PDE6A: variants seen among roughly 807,000 people sequenced by gnomAD.
PDE6A encodes phosphodiesterase 6A.
Under a neutral mutation model 106.3 loss-of-function variants are expected in PDE6A, and 84 were observed. The ratio of observed to expected loss-of-function variants is 0.79; its 90% CI spans 0.66 to 0.95. PDE6A has a LOEUF of 0.95. Among genes scored for constraint, PDE6A ranks in the 40% least tolerant of loss-of-function variants. The pLI, the probability that PDE6A is intolerant of heterozygous loss-of-function variation, is 0.00. For missense variants in PDE6A, 1,052 were observed against 1,084.9 expected, an observed-to-expected ratio of 0.97 and a Z score of 0.43; for synonymous variants, 394 against 386.6, an observed-to-expected ratio of 1.02 and a Z score of -0.23.
At chr5:149,890,108 C>CA (rs1752492088) in intron 13 of PDE6A, among the ~76,000 whole-genome samples, 1 of 151,762 alleles carries the variant, frequency 6.6e-6, no homozygotes, top group African/African-American at 2.4e-5. Context: ...GACACACCAC[C>CA]ACACTAGGCT....
At chr5:149,920,161 C>A (rs1451616496) in intron 5 of PDE6A, among the ~76,000 whole-genome samples, 1 of 151,852 alleles carries the variant, frequency 6.6e-6, no homozygotes, top group Non-Finnish European at 1.5e-5. Flanking sequence ...GACCTCATCT[C>A]TATATAAAAA....
intron 12 of PDE6A, 118 bp from the exon 13 acceptor site, chr5:149,895,408 A>AC: frequency 4.0e-6 from 3 of 742,280 alleles, no homozygotes; most frequent in Non-Finnish European, 7.4e-6. Flanking sequence ...GGTTTGAGGT[A>AC]CTCTAACCCC....
At chr5:149,878,706 T>C (rs542816539) in intron 17 of PDE6A, among the ~76,000 whole-genome samples, 36 of 152,354 alleles carry the variant, frequency 2.4e-4, no homozygotes, top group Admixed American at 5.9e-4. Context: ...TCTTTGACAA[T>C]AGGAGTTAAC....
intron 8 of PDE6A, 136 bp from the exon 9 acceptor site, chr5:149,899,660 G>A: frequency 1.1e-6 from 1 of 878,054 alleles, no homozygotes. Context: ...GATTTCGCAT[G>A]AGTTTAATTA....
chr5:149,885,010 T>A, intron 14 of PDE6A, 143 bp from the exon 15 acceptor site: 1 of 711,684 alleles, frequency 1.4e-6, no homozygotes, highest in Non-Finnish European at 2.5e-6. Context: ...GAGAATCTAC[T>A]AAATAGCATG....
At chr5:149,878,955 G>A (rs1025782938) in intron 17 of PDE6A, among the ~76,000 whole-genome samples, 2 of 152,126 alleles carry the variant, frequency 1.3e-5, no homozygotes, top group African/African-American at 2.4e-5. Flanking sequence ...GTGTTTTTGT[G>A]TGTTGTACAG....
chr5:149,921,407 A>G (rs1162034365), intron 5 of PDE6A, among the ~76,000 whole-genome samples: 1 of 152,284 alleles, frequency 6.6e-6, no homozygotes, highest in East Asian at 1.9e-4. Flanking sequence ...CATGACAATT[A>G]TGAGGAATTA....
intron 10 of PDE6A, among the ~76,000 whole-genome samples, chr5:149,897,778 G>A (rs1406134915): frequency 2.6e-5 from 4 of 152,008 alleles, no homozygotes; most frequent in Non-Finnish European, 5.9e-5. Context: ...GTAGAGACAG[G>A]GTCTCGCTGT....
At chr5:149,927,882 A>C (rs1196346297) in intron 4 of PDE6A, among the ~76,000 whole-genome samples, 1 of 148,844 alleles carries the variant, frequency 6.7e-6, no homozygotes, top group Non-Finnish European at 1.5e-5. Context: ...ACACAAACAC[A>C]CACATTAGCC....
At chr5:149,894,736 ATTCTCTGCCTCAGCC>A (rs1192504699) in intron 13 of PDE6A, among the ~76,000 whole-genome samples, 1 of 149,838 alleles carries the variant, frequency 6.7e-6, no homozygotes, top group African/African-American at 2.5e-5. Context: ...GGTTCAAGGA[ATTCTCTGCCTCAGCC>A]TCCCAAGTAG....
At position 149,914,957 on chromosome 5, in the gene PDE6A, G is replaced by A; in HGVS notation, c.984C>T (p.Asp328=). Residue 328 remains aspartate (D), a synonymous_variant, in exon 6 of 22, where the codon GAC becomes GAT. Transcript: ENST00000255266. Reference sequence around the variant, plus strand: ...GTGAAACTTACGGGATGACTTTGATGTCCTCTTTGCCATGCAGGATGTAGT... The same window carrying A: ...GTGAAACTTACGGGATGACTTTGATATCCTCTTTGCCATGCAGGATGTAGT... The part of the protein sequence containing the change: ...VIDYILHGKE[D]IKVIPNPPPD... 4 of 1,607,224 alleles carry A rather than the reference G, an allele frequency of 2.5e-6. No homozygotes were observed. The highest frequency in any genetic ancestry group is 3.4e-6 in the Non-Finnish European group (4 of 1,175,500).
Position 149,859,213 on chromosome 5 carries a change from CTG to C in PDE6A, c.*1680_*1681del, listed in dbSNP as rs1341632807. ...AGAATAATCTGACTTAATTTATACT[CTG>C]TGAAATCAATGAAAAATCCAAGAAT... On this transcript the variant is annotated 3_prime_UTR_variant, in exon 22 of 22. Coordinates refer to ENST00000255266, the MANE Select transcript of PDE6A (RefSeq NM_000440.3). 7 of 152,210 alleles carry C rather than the reference CTG, an allele frequency of 4.6e-5. No individual in the cohort carries two copies. The highest frequency in any genetic ancestry group is 8.8e-5 in the Non-Finnish European group (6 of 68,040). 9.4% of individuals were successfully genotyped at this position (152,210 alleles called of 1,614,324 possible).
intron 3 of PDE6A, chr5:149,932,118 A>G: frequency 7.9e-7 from 1 of 1,267,092 alleles, no homozygotes; most frequent in Non-Finnish European, 1.2e-6. Context: ...CGGAAGTTGT[A>G]GACGTCTATT....
At chr5:149,870,959 AAAAG>A (rs1232027238) in intron 17 of PDE6A, among the ~76,000 whole-genome samples, 4 of 151,912 alleles carry the variant, frequency 2.6e-5, no homozygotes, top group Non-Finnish European at 2.9e-5. Context: ...AAAAGAAAAG[AAAAG>A]AAAAAAAGAA....
chr5:149,907,073 A>G (rs1753220098), intron 7 of PDE6A, among the ~76,000 whole-genome samples: 1 of 152,172 alleles, frequency 6.6e-6, no homozygotes, highest in Admixed American at 6.5e-5. Flanking sequence ...TACCCGGCCA[A>G]GACTATGCAC....
chr5:149,868,741 T>C (rs560468046), intron 17 of PDE6A, among the ~76,000 whole-genome samples: 1 of 152,332 alleles, frequency 6.6e-6, no homozygotes, highest in South Asian at 2.1e-4. Context: ...ACCACAGATA[T>C]GCTGTCCATC....
At chr5:149,902,912 T>C (rs1219460724) in intron 8 of PDE6A, among the ~76,000 whole-genome samples, 1 of 151,360 alleles carries the variant, frequency 6.6e-6, no homozygotes, top group East Asian at 1.9e-4. Flanking sequence ...GAGGTTGTCA[T>C]TGAAGGGCAG....
chr5:149,913,817 A>C (rs1753465816), intron 6 of PDE6A, among the ~76,000 whole-genome samples: 1 of 152,194 alleles, frequency 6.6e-6, no homozygotes, highest in Non-Finnish European at 1.5e-5. Context: ...GTTTTTGAGA[A>C]AGGTCTACTG....
intron 5 of PDE6A, among the ~76,000 whole-genome samples, chr5:149,917,379 C>T (rs918014117): frequency 6.6e-6 from 1 of 152,098 alleles, no homozygotes; most frequent in Non-Finnish European, 1.5e-5. Flanking sequence ...GATACCTGGG[C>T]TCCACCCCAA....
Sources: allele counts gnomAD v4.1 joint callset (sites outside exome capture counted in the v4.1 genomes callset), GRCh38; gene constraint gnomAD v4.1.1; transcripts MANE v1.5; gene names NCBI Gene and HGNC (gene_info 2026-07-23, HGNC 2026-07-21).